Variants in PPARGC1A observed in about 807,000 individuals in gnomAD.
The protein encoded by PPARGC1A is peroxisome proliferator-activated receptor gamma coactivator 1-alpha.
In PPARGC1A, 25 loss-of-function variants were observed where a neutral mutation model predicts 88.7. The observed-to-expected ratio is 0.28, with a 90% CI of 0.21 to 0.39. PPARGC1A has a LOEUF of 0.39. Among genes scored for constraint, PPARGC1A ranks in the 10% least tolerant of loss-of-function variants. The pLI is 1.00. For missense variants in PPARGC1A, 880 were observed against 968.7 expected (o/e 0.91, Z 1.22); for synonymous variants, 363 against 355.6 (o/e 1.02, Z -0.24).
chr4:24,412,902 A>G, the PPARGC1A span, among the ~76,000 whole-genome samples: 1 of 152,356 alleles, frequency 6.6e-6, no homozygotes, highest in African/African-American at 2.4e-5. Flanking sequence ...AAAGCATAAA[A>G]TATTTACTAT....
intron 5 of PPARGC1A, among the ~76,000 whole-genome samples, chr4:23,827,131 C>T (rs867527341): frequency 3.9e-5 from 6 of 152,100 alleles, no homozygotes; most frequent in Admixed American, 1.3e-4. Context: ...AATGAGAATG[C>T]GGTCCATTTC....
At chr4:23,931,065 G>A in the PPARGC1A span, among the ~76,000 whole-genome samples, 1 of 141,932 alleles carries the variant, frequency 7.0e-6, no homozygotes, top group East Asian at 2.4e-4. Flanking sequence ...GTGAGGGGCA[G>A]CTGGGGATCA....
rs1560353805 is a variant in PPARGC1A, at chr4:23,814,259, T to C, written c.1224A>G (p.Arg408=). Residue 408 remains arginine (R), a synonymous_variant, in exon 8 of 13, where the codon AGA becomes AGG. Coordinates refer to ENST00000264867, the MANE Select transcript of PPARGC1A (RefSeq NM_013261.5). ...INISQELQDS[R]QLENKDVSSD... is the part of the protein sequence containing the mutation. ...AGGAGACATCTTTATTTTCTAGTTG[T>C]CTAGAGTCTTGGAGCTCCTGTGATA... 1.9e-6 allele frequency: 3 copies of C among 1,613,978 alleles called. No homozygotes were observed. The highest frequency in any genetic ancestry group is 2.5e-6 in the Non-Finnish European group (3 of 1,180,008).
chr4:23,849,012 C>T lies in PPARGC1A; in HGVS notation c.235-17261G>A, dbSNP rs529919052. On this transcript the variant is annotated intron_variant, in intron 2 of 12. Transcript: ENST00000264867. The stretch of plus-strand genomic sequence containing the variant: ...CAAAAAATTTAGCCGGGCGTGGTAG[C>T]GGGCGCCTGTACTCCCAGCTACTCG... 2.8e-3 allele frequency among the ~76,000 whole-genome samples: 433 copies of T among 152,180 alleles called. 2 individuals carry two copies. The highest frequency in any genetic ancestry group is 9.9e-3 in the African/African-American group (412 of 41,526).
the PPARGC1A span, among the ~76,000 whole-genome samples, chr4:24,437,952 C>T: frequency 2.0e-5 from 3 of 152,160 alleles, no homozygotes; most frequent in Non-Finnish European, 4.4e-5. Flanking sequence ...GCTGGGATTA[C>T]AGGCCTGACC....
At chr4:24,349,564 G>T in the PPARGC1A span, among the ~76,000 whole-genome samples, 1 of 152,110 alleles carries the variant, frequency 6.6e-6, no homozygotes, top group East Asian at 1.9e-4. Context: ...GAGTCATGCA[G>T]GTTGTCAGGG....
At chr4:24,349,436 G>T in the PPARGC1A span, among the ~76,000 whole-genome samples, 3 of 152,164 alleles carry the variant, frequency 2.0e-5, no homozygotes, top group Non-Finnish European at 2.9e-5. Flanking sequence ...GCATGACTAG[G>T]CGTGTCTGAG....
the PPARGC1A span, among the ~76,000 whole-genome samples, chr4:24,120,431 C>T: frequency 1.6e-4 from 25 of 152,284 alleles, no homozygotes; most frequent in Admixed American, 5.9e-4. Context: ...TTATTAGGTA[C>T]TGATTCCTGT....
the PPARGC1A span, among the ~76,000 whole-genome samples, chr4:24,104,496 T>A: frequency 6.6e-6 from 1 of 152,232 alleles, no homozygotes; most frequent in East Asian, 1.9e-4. Context: ...CCAGGCACAG[T>A]GCCAGGCAAA....
the PPARGC1A span, among the ~76,000 whole-genome samples, chr4:24,204,281 G>A: frequency 6.6e-6 from 1 of 152,152 alleles, no homozygotes; most frequent in Non-Finnish European, 1.5e-5. Flanking sequence ...TATTCCACAT[G>A]GAGTATTAGA....
the PPARGC1A span, among the ~76,000 whole-genome samples, chr4:24,334,703 T>TG: frequency 2.0e-5 from 3 of 152,130 alleles, no homozygotes; most frequent in South Asian, 4.1e-4. Context: ...TGGAGGATGT[T>TG]GGGGGGCATG....
chr4:24,402,674 C>T, the PPARGC1A span, among the ~76,000 whole-genome samples: 1 of 152,200 alleles, frequency 6.6e-6, no homozygotes, highest in South Asian at 2.1e-4. Context: ...CAACAATGAG[C>T]TTCCTTTCCC....
chr4:24,031,845 CTATCCCAG>C, the PPARGC1A span, among the ~76,000 whole-genome samples: 1 of 152,182 alleles, frequency 6.6e-6, no homozygotes, highest in African/African-American at 2.4e-5. Flanking sequence ...TCTCAGAAGA[CTATCCCAG>C]TATCCCAGTA....
At chr4:24,287,773 T>C in the PPARGC1A span, among the ~76,000 whole-genome samples, 6 of 152,246 alleles carry the variant, frequency 3.9e-5, no homozygotes, top group African/African-American at 7.2e-5. Context: ...GAAATGGTCA[T>C]ATTATACCAT....
At chr4:23,829,775 G>A (rs1724669820) in intron 3 of PPARGC1A, 190 bp from the exon 4 acceptor site, 4 of 382,672 alleles carry the variant, frequency 1.0e-5, no homozygotes. Context: ...AAAAAAGTTT[G>A]GCATTACACT....
At chr4:24,124,153 G>A in the PPARGC1A span, among the ~76,000 whole-genome samples, 1 of 152,070 alleles carries the variant, frequency 6.6e-6, no homozygotes, top group Non-Finnish European at 1.5e-5. Flanking sequence ...ACACTATCTT[G>A]CAATGCTAAC....
the PPARGC1A span, among the ~76,000 whole-genome samples, chr4:24,434,629 G>A: frequency 6.6e-6 from 1 of 152,176 alleles, no homozygotes; most frequent in African/African-American, 2.4e-5. Context: ...GAAAGCAAAA[G>A]GCTCAGACAG....
At chr4:23,867,823 A>G (rs1298504433) in intron 2 of PPARGC1A, among the ~76,000 whole-genome samples, 2 of 152,244 alleles carry the variant, frequency 1.3e-5, no homozygotes, top group Non-Finnish European at 2.9e-5. Flanking sequence ...AACTTGTACA[A>G]TCATGCACAC....
chr4:23,938,571 G>T, the PPARGC1A span, among the ~76,000 whole-genome samples: 4 of 152,274 alleles, frequency 2.6e-5, no homozygotes, highest in South Asian at 8.3e-4. Context: ...TGCTAAAGAT[G>T]ACACGGAGAG....
Sources: allele counts gnomAD v4.1 joint callset (sites outside exome capture counted in the v4.1 genomes callset), GRCh38; gene constraint gnomAD v4.1.1; transcripts MANE v1.5; gene names NCBI Gene and HGNC (gene_info 2026-07-23, HGNC 2026-07-21).